SNTG1: variants seen among roughly 807,000 people sequenced by gnomAD.
SNTG1 encodes the protein gamma-1-syntrophin.
In SNTG1, 39 loss-of-function variants were observed where a neutral mutation model predicts 74.7. That is an observed-to-expected ratio of 0.52 (90% CI 0.40 to 0.68). The LOEUF (loss-of-function observed/expected upper bound fraction) is 0.68. SNTG1 is among the 30% of genes least tolerant of loss of function. SNTG1 has a pLI of 0.00. For missense variants in SNTG1, 685 were observed against 609.5 expected, an observed-to-expected ratio of 1.12 and a Z score of -1.30; for synonymous variants, 254 against 217.1, an observed-to-expected ratio of 1.17 and a Z score of -1.49.
chr8:49,925,194 C>G (rs2129348290), intron 1 of SNTG1, among the ~76,000 whole-genome samples: 1 of 152,136 alleles, frequency 6.6e-6, no homozygotes, highest in South Asian at 2.1e-4. Context: ...ACAGATGCAG[C>G]TATGCACAGT....
intron 1 of SNTG1, among the ~76,000 whole-genome samples, chr8:49,986,910 A>T (rs1003171129): frequency 6.6e-6 from 1 of 152,174 alleles, no homozygotes; most frequent in Non-Finnish European, 1.5e-5. Context: ...TGTAAATATA[A>T]ATAAATATCT....
chr8:50,110,635 T>C (rs945786293), intron 1 of SNTG1, among the ~76,000 whole-genome samples: 1 of 152,212 alleles, frequency 6.6e-6, no homozygotes, highest in Admixed American at 6.5e-5. Flanking sequence ...ATGAAGCTTT[T>C]TGTCCTTTAA....
intron 2 of SNTG1, among the ~76,000 whole-genome samples, chr8:50,198,450 G>T (rs1401469606): frequency 6.6e-6 from 1 of 152,112 alleles, no homozygotes; most frequent in Admixed American, 6.6e-5. Context: ...TGAAGCAGAA[G>T]ATTTTTCTCC....
intron 12 of SNTG1, among the ~76,000 whole-genome samples, chr8:50,570,167 T>A (rs768385269): frequency 1.3e-5 from 2 of 151,710 alleles, no homozygotes; most frequent in Non-Finnish European, 1.5e-5. Flanking sequence ...TCTGCGTTGA[T>A]TTCCTCTCCT....
intron 17 of SNTG1, among the ~76,000 whole-genome samples, chr8:50,736,317 C>A (rs765605858): frequency 4.0e-5 from 6 of 150,830 alleles, no homozygotes; most frequent in Non-Finnish European, 7.4e-5. Flanking sequence ...ATTAAAAGAT[C>A]AAAAAACACA....
intron 2 of SNTG1, among the ~76,000 whole-genome samples, chr8:50,292,924 A>AC (rs35761201): frequency 0.47 from 71,372 of 151,842 alleles, 19,342 homozygotes; most frequent in East Asian, 0.83. Context: ...ATTGAAGGAG[A>AC]CCCTAGCAGA....
At chr8:50,753,825 G>A (rs28609465) in intron 18 of SNTG1, among the ~76,000 whole-genome samples, 32,499 of 151,822 alleles carry the variant, frequency 0.21, 5,224 homozygotes, top group African/African-American at 0.46. Flanking sequence ...TAATGAGACT[G>A]TGACATTTGG....
intron 8 of SNTG1, among the ~76,000 whole-genome samples, chr8:50,453,275 G>T (rs796867471): frequency 4.6e-5 from 7 of 151,030 alleles, no homozygotes; most frequent in Non-Finnish European, 8.9e-5. Context: ...ATTTGTGGAT[G>T]GGATTCTGTA....
At chr8:50,345,990 A>ATGTGAATATC (rs1433868732) in intron 2 of SNTG1, among the ~76,000 whole-genome samples, 2 of 152,192 alleles carry the variant, frequency 1.3e-5, no homozygotes, top group Non-Finnish European at 2.9e-5. Flanking sequence ...TATCGGTATT[A>ATGTGAATATC]TGTGAATATT....
intron 17 of SNTG1, among the ~76,000 whole-genome samples, chr8:50,745,521 A>T (rs1437780854): frequency 6.6e-6 from 1 of 152,064 alleles, no homozygotes; most frequent in Non-Finnish European, 1.5e-5. Flanking sequence ...AGTTGAACAT[A>T]AGTTACCATA....
At chr8:50,006,253 G>A (rs1467531261) in intron 1 of SNTG1, among the ~76,000 whole-genome samples, 1 of 152,066 alleles carries the variant, frequency 6.6e-6, no homozygotes, top group East Asian at 1.9e-4. Flanking sequence ...GAGCCACCGT[G>A]CCCGGCCTAG....
intron 1 of SNTG1, among the ~76,000 whole-genome samples, chr8:50,150,022 A>G (rs1312467160): frequency 6.6e-6 from 1 of 152,122 alleles, no homozygotes; most frequent in African/African-American, 2.4e-5. Flanking sequence ...TTTCCTATCC[A>G]TGACCATGGA....
At chr8:50,660,257 G>A (rs2095211998) in intron 15 of SNTG1, among the ~76,000 whole-genome samples, 1 of 141,872 alleles carries the variant, frequency 7.0e-6, no homozygotes, top group Admixed American at 7.3e-5. Context: ...AAAGAAGGAG[G>A]GAAGGAGAGA....
At chr8:50,391,041 T>C (rs1280357641) in intron 2 of SNTG1, among the ~76,000 whole-genome samples, 2 of 152,162 alleles carry the variant, frequency 1.3e-5, no homozygotes, top group Non-Finnish European at 2.9e-5. Flanking sequence ...CTTCCTCTTT[T>C]CCAAATTGAG....
intron 1 of SNTG1, among the ~76,000 whole-genome samples, chr8:49,935,315 C>T (rs1274264892): frequency 1.3e-5 from 2 of 149,534 alleles, no homozygotes; most frequent in Middle Eastern, 3.3e-3. Flanking sequence ...CAACCTACTC[C>T]GATGAGGACT....
intron 2 of SNTG1, among the ~76,000 whole-genome samples, chr8:50,293,008 G>C (rs766341177): frequency 3.3e-5 from 5 of 152,106 alleles, no homozygotes; most frequent in Non-Finnish European, 7.4e-5. Context: ...CAACTAAAAA[G>C]TGAGAGCTTC....
intron 13 of SNTG1, among the ~76,000 whole-genome samples, chr8:50,621,568 C>T (rs968403410): frequency 2.0e-5 from 3 of 152,118 alleles, no homozygotes; most frequent in Non-Finnish European, 4.4e-5. Flanking sequence ...ATAATACAAA[C>T]AATGAAATAA....
At chr8:50,154,475 G>A (rs917302681) in intron 1 of SNTG1, among the ~76,000 whole-genome samples, 3 of 152,044 alleles carry the variant, frequency 2.0e-5, no homozygotes, top group African/African-American at 4.8e-5. Context: ...GAGATGAACC[G>A]GGTACCTCAG....
chr8:50,303,258 T>C (rs2089729708), intron 2 of SNTG1, among the ~76,000 whole-genome samples: 1 of 152,126 alleles, frequency 6.6e-6, no homozygotes, highest in Admixed American at 6.6e-5. Context: ...TTTATAAAAG[T>C]GACTGACTTT....
Sources: allele counts gnomAD v4.1 joint callset (sites outside exome capture counted in the v4.1 genomes callset), GRCh38; gene constraint gnomAD v4.1.1; transcripts MANE v1.5; gene names NCBI Gene and HGNC (gene_info 2026-07-23, HGNC 2026-07-21).